The following SMYD3 variants were observed in gnomAD, a reference collection of about 807,000 sequenced individuals.
SMYD3 encodes histone-lysine N-methyltransferase SMYD3.
A neutral mutation model predicts 57.7 loss-of-function variants in SMYD3; 36 were observed. The observed-to-expected ratio is 0.62, with a 90% CI of 0.48 to 0.82. SMYD3 has a LOEUF of 0.82. Ranked by LOEUF, SMYD3 falls within the 40% of genes least tolerant of loss-of-function variation. The pLI, the probability that SMYD3 is intolerant of heterozygous loss-of-function variation, is 0.00. For missense variants in SMYD3, 515 were observed against 538.8 expected (o/e 0.96, Z 0.44); for synonymous variants, 211 against 195.0 (o/e 1.08, Z -0.68).
chr1:246,032,978 G>GA (rs2059704806), intron 5 of SMYD3, among the ~76,000 whole-genome samples: 1 of 152,130 alleles, frequency 6.6e-6, no homozygotes. Context: ...ATGCTTTAGG[G>GA]ATCGCTGCAA....
intron 8 of SMYD3, among the ~76,000 whole-genome samples, chr1:245,876,845 G>A (rs1245130442): frequency 1.3e-5 from 2 of 152,146 alleles, no homozygotes; most frequent in Non-Finnish European, 2.9e-5. Flanking sequence ...TGGGGCTATG[G>A]GAGCATAGAG....
intron 5 of SMYD3, among the ~76,000 whole-genome samples, chr1:245,989,642 C>T (rs1350435646): frequency 6.6e-6 from 1 of 152,224 alleles, no homozygotes; most frequent in Non-Finnish European, 1.5e-5. Context: ...GGTGTCCTAC[C>T]TTGTACCTTG....
chr1:246,450,209 C>T (rs1196564249), intron 1 of SMYD3, among the ~76,000 whole-genome samples: 1 of 151,966 alleles, frequency 6.6e-6, no homozygotes, highest in African/African-American at 2.4e-5. Flanking sequence ...ATGGCTTGAA[C>T]GCCTCCGGGA....
rs1274664517 is a variant in SMYD3 at position 245,927,985 on chromosome 1, G to A, written c.648C>T (p.Phe216=). 6.2e-7 allele frequency: 1 copy of A among 1,612,782 alleles called. No individual in the cohort carries two copies. The highest frequency in any genetic ancestry group is 1.1e-5 in the South Asian group (1 of 91,026). ...HSCDPNCSIV[F]NGPHLLLRAV... is the part of the protein sequence containing the mutation. ...CTCGCAGTAAGAGGTGGGGCCCATT[G>A]AACACAATCGAACAGTTGGGGTCAC... Residue 216 remains phenylalanine (F), a synonymous_variant, in exon 7 of 12, where the codon TTC becomes TTT. Transcript: ENST00000490107.
chr1:246,387,002 G>A (rs2066494408), intron 1 of SMYD3, among the ~76,000 whole-genome samples: 2 of 152,058 alleles, frequency 1.3e-5, no homozygotes, highest in Admixed American at 1.3e-4. Context: ...AACTACCTAT[G>A]TTATATGACT....
At chr1:246,191,537 T>A (rs2062739102) in intron 5 of SMYD3, among the ~76,000 whole-genome samples, 1 of 152,180 alleles carries the variant, frequency 6.6e-6, no homozygotes, top group African/African-American at 2.4e-5. Flanking sequence ...AATGTGAATA[T>A]TAGGGGTGTG....
At position 245,982,783 on chromosome 1, in the gene SMYD3, G is replaced by T. The variant is rs567741340; in HGVS notation, c.532-52846C>A. Among the ~76,000 whole-genome samples the T allele has an allele frequency of 1.8e-4, 28 of 152,266 alleles. No individual in the cohort carries two copies. In the South Asian group the frequency reaches 5.4e-3, roughly 29 times the overall value. ...AGACAAGAATTGACTCACTGGGTTC[G>T]CTTTGAGGACTGTTATATTCCATTT... On this transcript the variant is annotated intron_variant, in intron 5 of 11. Coordinates refer to ENST00000490107, the MANE Select transcript of SMYD3 (RefSeq NM_001167740.2).
chr1:246,496,405 T>G (rs1250576931), intron 1 of SMYD3, among the ~76,000 whole-genome samples: 2 of 152,200 alleles, frequency 1.3e-5, no homozygotes, highest in African/African-American at 4.8e-5. Flanking sequence ...TATATTCAAA[T>G]CTGCCCAGTC....
At chr1:245,920,238 G>A (rs899863941) in intron 7 of SMYD3, among the ~76,000 whole-genome samples, 11 of 146,620 alleles carry the variant, frequency 7.5e-5, no homozygotes, top group Non-Finnish European at 1.2e-4. Flanking sequence ...GCGTGAACTC[G>A]GGAGGCGGAG....
intron 9 of SMYD3, among the ~76,000 whole-genome samples, chr1:245,861,907 G>A (rs2051568880): frequency 6.6e-6 from 1 of 152,188 alleles, no homozygotes; most frequent in Non-Finnish European, 1.5e-5. Flanking sequence ...GGTGAATGAT[G>A]ACCAGCAAGG....
intron 5 of SMYD3, among the ~76,000 whole-genome samples, chr1:246,255,098 T>A (rs2148507762): frequency 6.6e-6 from 1 of 152,266 alleles, no homozygotes; most frequent in East Asian, 1.9e-4. Context: ...CTTCTTCTTT[T>A]CCTAATTGGA....
intron 5 of SMYD3, among the ~76,000 whole-genome samples, chr1:246,226,724 C>A (rs1047208350): frequency 6.6e-6 from 1 of 152,146 alleles, no homozygotes; most frequent in African/African-American, 2.4e-5. Context: ...TTTAAATTTA[C>A]ATTTGGAATA....
chr1:245,902,594 G>C (rs2054264239), intron 8 of SMYD3, among the ~76,000 whole-genome samples: 1 of 152,178 alleles, frequency 6.6e-6, no homozygotes, highest in South Asian at 2.1e-4. Context: ...AGAATGCCTG[G>C]CCCACTGCCA....
intron 5 of SMYD3, among the ~76,000 whole-genome samples, chr1:246,042,952 A>G (rs2059903298): frequency 6.6e-6 from 1 of 152,190 alleles, no homozygotes; most frequent in African/African-American, 2.4e-5. Context: ...ATACGTAAAT[A>G]TACTCTTAGG....
intron 1 of SMYD3, among the ~76,000 whole-genome samples, chr1:246,413,521 G>A (rs1558453030): frequency 6.6e-6 from 1 of 152,044 alleles, no homozygotes; most frequent in Non-Finnish European, 1.5e-5. Context: ...CAAATCTCAC[G>A]CTGAATTGTA....
Position 245,929,797 on chromosome 1 carries a change from A to G in SMYD3, c.599+73T>C, listed in dbSNP as rs917018645. On this transcript the variant is annotated intron_variant, in intron 6 of 11. Coordinates refer to ENST00000490107, the MANE Select transcript of SMYD3 (RefSeq NM_001167740.2). Reference sequence around the variant, plus strand: ...AGCTGCAGCAACTGCCTTTCTAACTACCTCCAAAGGGCTGGGGATTTGGGT... The same window carrying G: ...AGCTGCAGCAACTGCCTTTCTAACTGCCTCCAAAGGGCTGGGGATTTGGGT... 8.1e-5 allele frequency: 99 copies of G among 1,221,026 alleles called. 3 individuals carry two copies. The highest frequency in any genetic ancestry group is 6.2e-4 in the South Asian group (50 of 80,838). The allele number at this position is 1,221,026 out of a possible 1,614,324, so 75.6% of individuals were successfully genotyped here.
intron 5 of SMYD3, among the ~76,000 whole-genome samples, chr1:246,127,212 C>T (rs553911665): frequency 3.7e-4 from 57 of 152,142 alleles, no homozygotes; most frequent in African/African-American, 1.3e-3. Context: ...TTTGAGGATG[C>T]TTGGTTATTG....
intron 5 of SMYD3, among the ~76,000 whole-genome samples, chr1:245,997,736 A>C (rs1270077440): frequency 4.6e-5 from 7 of 152,164 alleles, no homozygotes; most frequent in Non-Finnish European, 1.0e-4. Flanking sequence ...CCACCAGGGA[A>C]ACAAGACACA....
intron 1 of SMYD3, among the ~76,000 whole-genome samples, chr1:246,450,144 G>C (rs1055828569): frequency 2.6e-5 from 4 of 152,102 alleles, no homozygotes; most frequent in Admixed American, 2.0e-4. Context: ...AAAATTAGCC[G>C]GGCGTGGCGG....
Sources: allele counts gnomAD v4.1 joint callset (sites outside exome capture counted in the v4.1 genomes callset), GRCh38; gene constraint gnomAD v4.1.1; transcripts MANE v1.5; gene names NCBI Gene and HGNC (gene_info 2026-07-23, HGNC 2026-07-21).